The following CPEB3 variants were observed in gnomAD, a reference collection of about 807,000 sequenced individuals.
The protein encoded by CPEB3 is cytoplasmic polyadenylation element binding protein 3.
Under a neutral mutation model 67.2 loss-of-function variants are expected in CPEB3, and 20 were observed. That is an observed-to-expected ratio of 0.30 (90% confidence interval 0.21 to 0.43). The LOEUF is 0.43. Ranked by LOEUF, CPEB3 falls within the 20% of genes least tolerant of loss-of-function variation. The pLI is 1.00. For synonymous variants in CPEB3, 376 were observed against 393.1 expected, an observed-to-expected ratio of 0.96 and a Z score of 0.51; for missense variants, 746 against 968.6, an observed-to-expected ratio of 0.77 and a Z score of 3.05.
At chr10:92,091,541 T>C (rs972751296) in intron 8 of CPEB3, among the ~76,000 whole-genome samples, 2 of 152,082 alleles carry the variant, frequency 1.3e-5, no homozygotes, top group African/African-American at 2.4e-5. Flanking sequence ...AGAATGCACA[T>C]TGCCAAATGT....
chr10:92,237,246 C>T lies in CPEB3; in HGVS notation c.1005+2100G>A, dbSNP rs548460714. 2.1e-3 allele frequency among the ~76,000 whole-genome samples: 326 copies of T among 152,280 alleles called. 1 individual carries two copies. The highest frequency in any genetic ancestry group is 5.3e-3 in the Admixed American group (81 of 15,290). On this transcript the variant is annotated intron_variant, in intron 2 of 9. Coordinates refer to ENST00000265997, the MANE Select transcript of CPEB3 (RefSeq NM_014912.5). ...TAAAATTGCTCCAAAACCCTAAGCT[C>T]TGTTTTATGAAAAAGAAATGAGACA...
chr10:92,120,112 A>AAAAAAACAAGCAAAAAAAAAAAAAAC (rs1845278444), intron 6 of CPEB3, among the ~76,000 whole-genome samples: 1 of 145,252 alleles, frequency 6.9e-6, no homozygotes, highest in Non-Finnish European at 1.5e-5. Flanking sequence ...AAAAAAAAAA[A>AAAAAAACAAGCAAAAAAAAAAAAAAC]AAAAACCAAA....
intron 4 of CPEB3, among the ~76,000 whole-genome samples, chr10:92,164,320 C>A (rs1201507096): frequency 2.6e-5 from 4 of 152,168 alleles, no homozygotes; most frequent in Non-Finnish European, 5.9e-5. Flanking sequence ...GTATTATTTA[C>A]AGTCAATAAA....
chr10:92,166,881 ACCTACACTGAAAAT>A (rs1463630739), intron 4 of CPEB3, among the ~76,000 whole-genome samples: 4 of 152,198 alleles, frequency 2.6e-5, no homozygotes, highest in African/African-American at 2.4e-5. Flanking sequence ...TGGCTGTTTC[ACCTACACTGAAAAT>A]CTGCTGTTTA....
rs1564844321 is a variant in CPEB3 at position 92,183,425 on chromosome 10, C to CT, written c.1166-2407_1166-2406insA. 3.3e-5 allele frequency among the ~76,000 whole-genome samples: 5 copies of CT among 152,254 alleles called. No individual in the cohort carries two copies. The East Asian group carries it at 9.6e-4, about 29-fold the overall frequency. On this transcript the variant is annotated intron_variant, in intron 3 of 9. Transcript: ENST00000265997. ...GAACCTATAATAGGAAAAACTGTCA[C>CT]CAGAACAAGGCTTTCACTCAGTAGG...
chr10:92,286,128 G>A (rs111282414), intron 1 of CPEB3, among the ~76,000 whole-genome samples: 3 of 151,548 alleles, frequency 2.0e-5, no homozygotes, highest in African/African-American at 7.3e-5. Flanking sequence ...GTAGAGACAG[G>A]GTTTCACTGT....
chr10:92,173,761 C>T (rs1335945783), intron 4 of CPEB3, among the ~76,000 whole-genome samples: 2 of 152,108 alleles, frequency 1.3e-5, no homozygotes, highest in Non-Finnish European at 2.9e-5. Context: ...AGGTCCCTTA[C>T]CATGTTCATG....
intron 1 of CPEB3, among the ~76,000 whole-genome samples, chr10:92,264,827 C>T (rs1221777235): frequency 6.6e-6 from 1 of 151,806 alleles, no homozygotes. Context: ...CGAGGCAGGA[C>T]GACGATCACT....
At chr10:92,119,958 A>G (rs1845254016) in intron 6 of CPEB3, among the ~76,000 whole-genome samples, 1 of 151,998 alleles carries the variant, frequency 6.6e-6, no homozygotes, top group Non-Finnish European at 1.5e-5. Context: ...TTGGATTTAA[A>G]AAAAAAACAA....
At chr10:92,279,450 T>C (rs951521918) in intron 1 of CPEB3, among the ~76,000 whole-genome samples, 6 of 152,144 alleles carry the variant, frequency 3.9e-5, no homozygotes, top group Admixed American at 3.9e-4. Context: ...AGCAATATCG[T>C]CCCCCCTTGA....
chr10:92,137,410 A>G (rs1297973082), intron 6 of CPEB3: 2 of 1,111,728 alleles, frequency 1.8e-6, no homozygotes, highest in Admixed American at 2.4e-5. Flanking sequence ...AGCTGATGAA[A>G]TGTTAAGCCA....
intron 1 of CPEB3, among the ~76,000 whole-genome samples, chr10:92,258,943 C>A (rs995652894): frequency 1.3e-5 from 2 of 151,256 alleles, no homozygotes; most frequent in African/African-American, 4.9e-5. Flanking sequence ...CAGGCACGAG[C>A]CACCACGCCT....
intron 3 of CPEB3, among the ~76,000 whole-genome samples, chr10:92,189,835 ATT>A (rs11295068): frequency 6.6e-4 from 97 of 146,504 alleles, no homozygotes; most frequent in East Asian, 1.8e-3. Context: ...GCCTCCAGTG[ATT>A]TTTTTTTTTT....
At chr10:92,083,868 T>C (rs1843257158) in intron 8 of CPEB3, among the ~76,000 whole-genome samples, 1 of 152,138 alleles carries the variant, frequency 6.6e-6, no homozygotes, top group Non-Finnish European at 1.5e-5. Context: ...CAGATTTTTC[T>C]ACACCACAGT....
chr10:92,258,675 T>TAA, intron 1 of CPEB3, among the ~76,000 whole-genome samples: 1 of 128,682 alleles, frequency 7.8e-6, no homozygotes, highest in African/African-American at 3.0e-5. Context: ...TATATATATA[T>TAA]ATATTTCATG....
intron 1 of CPEB3, among the ~76,000 whole-genome samples, chr10:92,259,344 G>A (rs1051415233): frequency 6.6e-6 from 1 of 151,766 alleles, no homozygotes; most frequent in Non-Finnish European, 1.5e-5. Flanking sequence ...GCTCATGCCT[G>A]TAATCCCAGC....
At chr10:92,142,350 C>G (rs1846476214) in intron 6 of CPEB3, among the ~76,000 whole-genome samples, 1 of 152,162 alleles carries the variant, frequency 6.6e-6, no homozygotes, top group Non-Finnish European at 1.5e-5. Context: ...CAAACAAAAC[C>G]TTTAACCCAA....
rs1168604118 is a variant in CPEB3, at chr10:92,189,297, A to G, written c.1165+3180T>C. Among the ~76,000 whole-genome samples, 9 of 152,326 alleles carry G rather than the reference A, an allele frequency of 5.9e-5. No individual in the cohort carries two copies. The East Asian group carries it at 1.7e-3, about 29-fold the overall frequency. On this transcript the variant is annotated intron_variant, in intron 3 of 9. Coordinates refer to ENST00000265997, the MANE Select transcript of CPEB3 (RefSeq NM_014912.5). ...TCAATAATCACTACTTATGAAAAAT[A>G]TAAAATTTTGACAACTTGCACCTGA... is the stretch of plus-strand genomic sequence containing the variant.
intron 2 of CPEB3, among the ~76,000 whole-genome samples, chr10:92,220,470 G>A (rs1850638930): frequency 1.3e-5 from 2 of 151,592 alleles, no homozygotes; most frequent in Admixed American, 1.3e-4. Flanking sequence ...GGCATTAATA[G>A]TAAAGCCTTC....
Sources: allele counts gnomAD v4.1 joint callset (sites outside exome capture counted in the v4.1 genomes callset), GRCh38; gene constraint gnomAD v4.1.1; transcripts MANE v1.5; gene names NCBI Gene and HGNC (gene_info 2026-07-23, HGNC 2026-07-21).